Variants in ABTB3 observed in about 807,000 individuals in gnomAD.
The protein encoded by ABTB3 is ankyrin repeat- and BTB/POZ domain-containing protein 3.
the ABTB3 span, among the ~76,000 whole-genome samples, chr12:107,482,950 TTC>T: frequency 2.4e-5 from 1 of 41,328 alleles, no homozygotes; most frequent in African/African-American, 9.7e-5. Flanking sequence ...CTTTCTTTCT[TTC>T]TTTCTTTCTT....
the ABTB3 span, among the ~76,000 whole-genome samples, chr12:107,539,900 C>T: frequency 1.3e-5 from 2 of 152,160 alleles, no homozygotes; most frequent in Admixed American, 1.3e-4. Flanking sequence ...CCACGTTTTC[C>T]ATCTGCAGCT....
the ABTB3 span, among the ~76,000 whole-genome samples, chr12:107,465,266 G>A: frequency 3.9e-5 from 6 of 152,226 alleles, no homozygotes; most frequent in South Asian, 2.1e-4. Flanking sequence ...ACAACACAGC[G>A]AGGAAGGCAC....
the ABTB3 span, among the ~76,000 whole-genome samples, chr12:107,655,903 A>AT: frequency 6.8e-3 from 1,041 of 152,318 alleles, 11 homozygotes; most frequent in African/African-American, 0.024. Flanking sequence ...TCATGATGGA[A>AT]AGAACACAGG....
chr12:107,469,720 C>G, the ABTB3 span, among the ~76,000 whole-genome samples: 1 of 152,144 alleles, frequency 6.6e-6, no homozygotes, highest in Non-Finnish European at 1.5e-5. Context: ...CACACACGAG[C>G]ACTTATTAGG....
the ABTB3 span, among the ~76,000 whole-genome samples, chr12:107,380,088 T>C: frequency 6.6e-6 from 1 of 152,170 alleles, no homozygotes; most frequent in Non-Finnish European, 1.5e-5. Context: ...AGACCTGCCC[T>C]TAACTCCCGG....
At chr12:107,596,799 G>A in the ABTB3 span, among the ~76,000 whole-genome samples, 9 of 152,006 alleles carry the variant, frequency 5.9e-5, no homozygotes, top group Middle Eastern at 3.4e-3. Flanking sequence ...CCTTCCTTAA[G>A]TTCTTTTCCA....
the ABTB3 span, among the ~76,000 whole-genome samples, chr12:107,410,376 G>A: frequency 1.4e-3 from 217 of 152,266 alleles, no homozygotes; most frequent in Middle Eastern, 6.8e-3. Context: ...CAGAGTTGAG[G>A]GGAGAGTGGG....
At chr12:107,556,473 G>A in the ABTB3 span, among the ~76,000 whole-genome samples, 1 of 152,150 alleles carries the variant, frequency 6.6e-6, no homozygotes, top group South Asian at 2.1e-4. Context: ...CTATCACCAG[G>A]CAGAACTGGG....
chr12:107,447,547 G>T, the ABTB3 span, among the ~76,000 whole-genome samples: 1 of 152,170 alleles, frequency 6.6e-6, no homozygotes, highest in Admixed American at 6.5e-5. Context: ...CAAGCTGGTG[G>T]TTGGGAGATG....
At chr12:107,524,959 C>T in the ABTB3 span, among the ~76,000 whole-genome samples, 1 of 152,114 alleles carries the variant, frequency 6.6e-6, no homozygotes, top group South Asian at 2.1e-4. Flanking sequence ...CCAATACCTC[C>T]CCAAATACAG....
At chr12:107,341,825 T>A in the ABTB3 span, among the ~76,000 whole-genome samples, 1 of 152,120 alleles carries the variant, frequency 6.6e-6, no homozygotes, top group Non-Finnish European at 1.5e-5. Context: ...TCTCATGAGA[T>A]CTGGCCTTTT....
At chr12:107,530,853 AT>A in the ABTB3 span, among the ~76,000 whole-genome samples, 3 of 152,334 alleles carry the variant, frequency 2.0e-5, no homozygotes, top group African/African-American at 7.2e-5. Flanking sequence ...ATTGGGACAG[AT>A]TCCCAGAAAT....
chr12:107,354,400 C>A, the ABTB3 span, among the ~76,000 whole-genome samples: 1 of 152,112 alleles, frequency 6.6e-6, no homozygotes, highest in Non-Finnish European at 1.5e-5. Context: ...TTCCTTTTGT[C>A]TATCTTCTCC....
At chr12:107,440,072 C>G in the ABTB3 span, among the ~76,000 whole-genome samples, 9 of 152,174 alleles carry the variant, frequency 5.9e-5, no homozygotes, top group African/African-American at 2.2e-4. Flanking sequence ...GGTTCATTAC[C>G]TGGGAACACC....
chr12:107,398,268 T>C, the ABTB3 span, among the ~76,000 whole-genome samples: 1 of 152,264 alleles, frequency 6.6e-6, no homozygotes, highest in Admixed American at 6.5e-5. Flanking sequence ...CCACGTTTGT[T>C]TCCTGAAGCC....
chr12:107,394,866 CA>C, the ABTB3 span, among the ~76,000 whole-genome samples: 1 of 152,242 alleles, frequency 6.6e-6, no homozygotes, highest in Non-Finnish European at 1.5e-5. Flanking sequence ...GGGATTCCCT[CA>C]GGGTGGCCTG....
At chr12:107,568,361 T>C in the ABTB3 span, among the ~76,000 whole-genome samples, 1 of 141,370 alleles carries the variant, frequency 7.1e-6, no homozygotes, top group Non-Finnish European at 1.6e-5. Context: ...GTGTAGATCA[T>C]GATAATGGAA....
the ABTB3 span, among the ~76,000 whole-genome samples, chr12:107,578,881 G>C: frequency 6.6e-6 from 1 of 152,192 alleles, no homozygotes; most frequent in Non-Finnish European, 1.5e-5. Flanking sequence ...CACCCAGTAA[G>C]AAATTGGTAA....
chr12:107,485,880 A>C, the ABTB3 span, among the ~76,000 whole-genome samples: 1 of 152,208 alleles, frequency 6.6e-6, no homozygotes, highest in African/African-American at 2.4e-5. Context: ...TGAAGTGGCA[A>C]AGATTTTTCT....
Sources: gnomAD v4.1 joint callset for allele counts (sites outside exome capture counted in the v4.1 genomes callset) on GRCh38, gnomAD v4.1.1 for gene constraint, MANE v1.5 for transcripts, NCBI Gene and HGNC (gene_info 2026-07-23, HGNC 2026-07-21) for gene names.